Variants in SEMA3E observed in about 807,000 individuals in gnomAD.
The protein encoded by SEMA3E is semaphorin-3E.
A neutral mutation model predicts 93.6 loss-of-function variants in SEMA3E; 49 were observed. The ratio of observed to expected loss-of-function variants is 0.52; its 90% CI spans 0.42 to 0.66. The LOEUF (loss-of-function observed/expected upper bound fraction) is 0.66, where lower values mean the gene tolerates loss of function less well. Among genes scored for constraint, SEMA3E ranks in the 30% least tolerant of loss-of-function variants. The pLI is 0.00. For synonymous variants in SEMA3E, 363 were observed against 330.7 expected, an observed-to-expected ratio of 1.10 and a Z score of -1.06; for missense variants, 906 against 964.8, an observed-to-expected ratio of 0.94 and a Z score of 0.81.
intron 1 of SEMA3E, among the ~76,000 whole-genome samples, chr7:83,578,250 A>G (rs900455546): frequency 2.6e-5 from 4 of 152,212 alleles, no homozygotes; most frequent in African/African-American, 9.6e-5. Flanking sequence ...TTGTGTTAAC[A>G]TTGCTATGCC....
At chr7:83,406,895 G>A (rs1367741641) in intron 7 of SEMA3E, among the ~76,000 whole-genome samples, 1 of 151,904 alleles carries the variant, frequency 6.6e-6, no homozygotes, top group Non-Finnish European at 1.5e-5. Context: ...TCAAAAATGG[G>A]GAAAATCATG....
At chr7:83,573,609 T>G (rs943577501) in intron 1 of SEMA3E, among the ~76,000 whole-genome samples, 1 of 152,046 alleles carries the variant, frequency 6.6e-6, no homozygotes, top group Non-Finnish European at 1.5e-5. Flanking sequence ...AATAAACATC[T>G]TTGTAATTTT....
chr7:83,455,674 A>G (rs1304259653), intron 4 of SEMA3E, among the ~76,000 whole-genome samples: 1 of 152,184 alleles, frequency 6.6e-6, no homozygotes, highest in Non-Finnish European at 1.5e-5. Context: ...AGTCATTGTC[A>G]TGATGAAGCT....
At chr7:83,515,643 A>G (rs1463722131) in intron 1 of SEMA3E, among the ~76,000 whole-genome samples, 6 of 152,190 alleles carry the variant, frequency 3.9e-5, no homozygotes, top group Non-Finnish European at 2.9e-5. Context: ...TTCCAGATAG[A>G]CTGCTCACCT....
chr7:83,619,605 G>A (rs1793503063), intron 1 of SEMA3E, among the ~76,000 whole-genome samples: 1 of 151,758 alleles, frequency 6.6e-6, no homozygotes, highest in South Asian at 2.1e-4. Flanking sequence ...GAATCTTGAT[G>A]CTATCTCTGG....
At chr7:83,396,041 A>ATGTGTGTGTGTGTGTGTGTGTGTGTGTG (rs3043167) in intron 12 of SEMA3E, among the ~76,000 whole-genome samples, 1 of 149,010 alleles carries the variant, frequency 6.7e-6, no homozygotes, top group Admixed American at 6.7e-5. Context: ...ATACGACTTG[A>ATGTGTGTGTGTGTGTGTGTGTGTGTGTG]TGTGTGTGTG....
At chr7:83,437,199 A>G (rs2115769340) in intron 4 of SEMA3E, among the ~76,000 whole-genome samples, 1 of 152,304 alleles carries the variant, frequency 6.6e-6, no homozygotes, top group East Asian at 1.9e-4. Context: ...AGATTCTTCC[A>G]TAAATGTTGT....
rs116605670 is a variant in SEMA3E at position 83,523,332 on chromosome 7, T to C, written c.116-33058A>G. Among the ~76,000 whole-genome samples, 480 of 152,178 alleles carry C rather than the reference T, an allele frequency of 3.2e-3. 3 individuals are homozygous for C. The highest frequency in any genetic ancestry group is 8.2e-3 in the African/African-American group (341 of 41,538). On this transcript the variant is annotated intron_variant, in intron 1 of 16. Transcript: ENST00000643230. Reference sequence around the variant, plus strand: ...GTGATCTCAAGAGAGTACCAGCTTTTAGTTTTGTCAAGAAGGAGAAAGTAT... The same window carrying C: ...GTGATCTCAAGAGAGTACCAGCTTTCAGTTTTGTCAAGAAGGAGAAAGTAT...
chr7:83,408,332 C>T (rs1562768731), intron 6 of SEMA3E, 36 bp downstream of exon 6: 1 of 1,613,018 alleles, frequency 6.2e-7, no homozygotes, highest in Non-Finnish European at 8.5e-7. Context: ...GAGTTGATTT[C>T]AATCCTAATT....
chr7:83,407,324 C>T, intron 6 of SEMA3E, 85 bp from the exon 7 acceptor site: 1 of 1,154,756 alleles, frequency 8.7e-7, no homozygotes, highest in East Asian at 2.5e-5. Context: ...TGTATATCAT[C>T]TGAATCCTTA....
intron 11 of SEMA3E, 123 bp from the exon 12 acceptor site, chr7:83,396,852 G>T (rs1584219100): frequency 1.5e-6 from 1 of 660,868 alleles, no homozygotes; most frequent in Non-Finnish European, 2.7e-6. Context: ...GCCAAGATGG[G>T]TGTATCTCTT....
At chr7:83,594,083 T>A (rs1464090308) in intron 1 of SEMA3E, among the ~76,000 whole-genome samples, 1 of 152,170 alleles carries the variant, frequency 6.6e-6, no homozygotes, top group Non-Finnish European at 1.5e-5. Flanking sequence ...TTGAGGCTGT[T>A]CCATATGGTG....
At position 83,385,410 on chromosome 7, in the gene SEMA3E, C is replaced by T. The variant is rs1274537946; in HGVS notation, c.1759G>A (p.Glu587Lys). 2 of 1,613,326 alleles carry T rather than the reference C, an allele frequency of 1.2e-6. No individual in the cohort carries two copies. The highest frequency in any genetic ancestry group is 2.2e-5 in the East Asian group (1 of 44,850). ...FVGDALDKTE[E>K]HLAYGIENNS... ...TTCTCTATGCCATAAGCCAGATGTTCTTCAGTCTTATCCAAAGCATCCCCT... is the reference window on the plus strand; with the variant it reads ...TTCTCTATGCCATAAGCCAGATGTTTTTCAGTCTTATCCAAAGCATCCCCT... Residue 587 changes from glutamate to lysine, a missense_variant, in exon 16 of 17, where the codon GAA becomes AAA. Transcript: ENST00000643230.
chr7:83,620,572 G>A (rs1274300547), intron 1 of SEMA3E, among the ~76,000 whole-genome samples: 1 of 152,084 alleles, frequency 6.6e-6, no homozygotes, highest in Admixed American at 6.6e-5. Context: ...AAATATCCCT[G>A]ATGAATATGG....
chr7:83,478,966 G>T (rs1790080184), intron 2 of SEMA3E, among the ~76,000 whole-genome samples: 1 of 152,144 alleles, frequency 6.6e-6, no homozygotes, highest in African/African-American at 2.4e-5. Context: ...TGCTGCCAAA[G>T]TAATCACTAA....
intron 1 of SEMA3E, among the ~76,000 whole-genome samples, chr7:83,535,889 T>A (rs1791403235): frequency 6.6e-6 from 1 of 152,108 alleles, no homozygotes; most frequent in African/African-American, 2.4e-5. Context: ...AAAGGTGATT[T>A]CCAAAAAGAA....
intron 1 of SEMA3E, among the ~76,000 whole-genome samples, chr7:83,567,000 C>T (rs571054059): frequency 5.3e-5 from 8 of 152,102 alleles, no homozygotes; most frequent in Admixed American, 1.3e-4. Flanking sequence ...GAAAGAAGAA[C>T]GACTGCCTTC....
intron 1 of SEMA3E, among the ~76,000 whole-genome samples, chr7:83,530,018 A>G (rs7786077): frequency 0.53 from 80,209 of 151,996 alleles, 23,521 homozygotes; most frequent in Middle Eastern, 0.69. Flanking sequence ...TTGAGTTCAA[A>G]TTTTACTCAA....
At chr7:83,530,844 C>G (rs1471266201) in intron 1 of SEMA3E, among the ~76,000 whole-genome samples, 2 of 150,650 alleles carry the variant, frequency 1.3e-5, no homozygotes, top group Non-Finnish European at 3.0e-5. Flanking sequence ...CGCCACTGTA[C>G]TCCAGCCTGG....
Sources: gnomAD v4.1 joint callset for allele counts (sites outside exome capture counted in the v4.1 genomes callset) on GRCh38, gnomAD v4.1.1 for gene constraint, MANE v1.5 for transcripts, NCBI Gene and HGNC (gene_info 2026-07-23, HGNC 2026-07-21) for gene names.